Variants in GPC5 observed in about 807,000 individuals in gnomAD.
GPC5 encodes glypican-5.
Under a neutral mutation model 53.9 loss-of-function variants are expected in GPC5, and 47 were observed. That is an observed-to-expected ratio of 0.87 (90% confidence interval 0.69 to 1.11). GPC5 has a LOEUF of 1.11. Among genes scored for constraint, GPC5 ranks in the 50% most tolerant of loss-of-function variants. The pLI is 0.00. For missense variants in GPC5, 748 were observed against 713.1 expected (o/e 1.05, Z -0.56); for synonymous variants, 286 against 263.3 (o/e 1.09, Z -0.84).
intron 1 of GPC5, among the ~76,000 whole-genome samples, chr13:91,434,672 C>T (rs1879770953): frequency 6.6e-6 from 1 of 152,062 alleles, no homozygotes; most frequent in South Asian, 2.1e-4. Context: ...GATGCGGGCT[C>T]TTTTTTGGTT....
intron 7 of GPC5, among the ~76,000 whole-genome samples, chr13:92,562,232 G>A (rs890855107): frequency 4.6e-5 from 7 of 152,020 alleles, no homozygotes; most frequent in South Asian, 2.1e-4. Flanking sequence ...AATCTCTTAT[G>A]AATTTCACCC....
intron 6 of GPC5, among the ~76,000 whole-genome samples, chr13:92,015,244 A>T (rs1336644329): frequency 6.6e-6 from 1 of 152,208 alleles, no homozygotes; most frequent in African/African-American, 2.4e-5. Context: ...TTAGCCAAAA[A>T]TATCAGTAGT....
chr13:92,678,841 T>A (rs530951819), intron 7 of GPC5, among the ~76,000 whole-genome samples: 1 of 152,220 alleles, frequency 6.6e-6, no homozygotes, highest in African/African-American at 2.4e-5. Flanking sequence ...AAAGATAGGA[T>A]GATTTGAGCT....
chr13:91,683,576 T>G (rs574675408), intron 2 of GPC5, among the ~76,000 whole-genome samples: 1 of 152,216 alleles, frequency 6.6e-6, no homozygotes, highest in African/African-American at 2.4e-5. Context: ...TTTACCAGAC[T>G]TCTGGTCATG....
intron 7 of GPC5, among the ~76,000 whole-genome samples, chr13:92,862,457 T>C (rs1290381817): frequency 6.6e-6 from 1 of 152,138 alleles, no homozygotes; most frequent in Non-Finnish European, 1.5e-5. Context: ...CTATAGGATC[T>C]GGAGTCCTGC....
At chr13:92,254,487 TG>T (rs2042713458) in intron 7 of GPC5, among the ~76,000 whole-genome samples, 1 of 152,066 alleles carries the variant, frequency 6.6e-6, no homozygotes, top group Non-Finnish European at 1.5e-5. Flanking sequence ...AGAAAGGAAT[TG>T]TTGATTTTTA....
rs143212324 is a variant in GPC5, at chr13:92,173,964, G to T, written c.1561+28975G>T. 4.8e-3 allele frequency among the ~76,000 whole-genome samples: 737 copies of T among 152,100 alleles called. 10 individuals are homozygous for T. Among genetic ancestry groups the T allele is most frequent in the African/African-American group, 0.016 (664 of 41,484 alleles). On this transcript the variant is annotated intron_variant, in intron 7 of 7. Coordinates refer to ENST00000377067, the MANE Select transcript of GPC5 (RefSeq NM_004466.6). ...TACTAAAAATACAAAAATTAGTTGG[G>T]TGTGGTGGCACCCACCTGTAGTCCC...
intron 6 of GPC5, among the ~76,000 whole-genome samples, chr13:92,085,958 A>G (rs1044089968): frequency 1.7e-4 from 26 of 152,234 alleles, no homozygotes; most frequent in African/African-American, 6.0e-4. Flanking sequence ...TGTTCCTAAC[A>G]GCCACGGACT....
rs1190169532 is a variant in GPC5, at chr13:92,125,924, GTTTTTTTTTTTT to G, written c.1402-18868_1402-18857del. On this transcript the variant is annotated intron_variant, in intron 6 of 7. Coordinates refer to ENST00000377067, the MANE Select transcript of GPC5 (RefSeq NM_004466.6). ...TTAGAAAGGAAACATTTGTTTTTTGGTTTTTTTTTTTTTTTTTTTTTTTTTTTTTTTTTTTTT... is the reference window on the plus strand; with the variant it reads ...TTAGAAAGGAAACATTTGTTTTTTGGTTTTTTTTTTTTTTTTTTTTTTTTT... Among the ~76,000 whole-genome samples the G allele has an allele frequency of 5.1e-4, 39 of 75,876 alleles. 1 individual carries two copies. The highest frequency in any genetic ancestry group is 1.9e-3 in the African/African-American group (36 of 19,000). The allele number at this position is 75,876 out of a possible 152,430, so 49.8% of individuals were successfully genotyped here.
intron 7 of GPC5, among the ~76,000 whole-genome samples, chr13:92,522,424 A>T (rs1426490600): frequency 6.6e-6 from 1 of 152,194 alleles, no homozygotes; most frequent in East Asian, 1.9e-4. Context: ...TACACCATGG[A>T]ATACTATGCA....
chr13:92,534,444 T>C (rs1881661253), intron 7 of GPC5, among the ~76,000 whole-genome samples: 1 of 152,336 alleles, frequency 6.6e-6, no homozygotes, highest in South Asian at 2.1e-4. Context: ...TAATCATGTA[T>C]TTTATATGTG....
intron 2 of GPC5, among the ~76,000 whole-genome samples, chr13:91,555,913 T>A (rs188180035): frequency 5.1e-4 from 77 of 152,026 alleles, no homozygotes; most frequent in Admixed American, 4.7e-3. Context: ...TTCCATTAGG[T>A]CCCTCCCACA....
chr13:92,486,729 G>A (rs190000409), intron 7 of GPC5, among the ~76,000 whole-genome samples: 1 of 152,256 alleles, frequency 6.6e-6, no homozygotes, highest in African/African-American at 2.4e-5. Context: ...AAATAGACAC[G>A]TGGCTTTTTA....
rs573188228 is a variant in GPC5, at chr13:92,091,642, G to A, written c.1402-53188G>A. Among the ~76,000 whole-genome samples, 66 of 151,110 alleles carry A rather than the reference G, an allele frequency of 4.4e-4. 1 individual carries two copies. The highest frequency in any genetic ancestry group is 1.5e-3 in the African/African-American group (60 of 41,130). On this transcript the variant is annotated intron_variant, in intron 6 of 7. Coordinates refer to ENST00000377067, the MANE Select transcript of GPC5 (RefSeq NM_004466.6). ...ATAGACAATATGATAAATGTACCAC[G>A]AATGACACAAAATATTTTCTGCATG...
intron 7 of GPC5, among the ~76,000 whole-genome samples, chr13:92,333,010 A>G (rs567046735): frequency 6.6e-6 from 1 of 152,328 alleles, no homozygotes; most frequent in East Asian, 1.9e-4. Flanking sequence ...TTGGAGAGAC[A>G]GACAAGTGAA....
intron 2 of GPC5, among the ~76,000 whole-genome samples, chr13:91,610,365 A>G (rs2033509780): frequency 6.6e-6 from 1 of 152,106 alleles, no homozygotes; most frequent in African/African-American, 2.4e-5. Context: ...TACTATTTTT[A>G]TTACCGTACA....
intron 7 of GPC5, among the ~76,000 whole-genome samples, chr13:92,608,058 A>G: frequency 6.6e-6 from 1 of 152,204 alleles, no homozygotes; most frequent in East Asian, 1.9e-4. Context: ...CTTTATTGTA[A>G]GAACACTGTA....
intron 7 of GPC5, among the ~76,000 whole-genome samples, chr13:92,351,761 G>T (rs35802196): frequency 0.01 from 1,526 of 152,124 alleles, 27 homozygotes; most frequent in Middle Eastern, 0.048. Context: ...ACTTAAAATT[G>T]TATGAGAGAA....
intron 2 of GPC5, among the ~76,000 whole-genome samples, chr13:91,462,509 G>T (rs1207156244): frequency 1.3e-5 from 2 of 152,080 alleles, no homozygotes; most frequent in African/African-American, 4.8e-5. Flanking sequence ...TTTAAATGTT[G>T]CTAGTCATAG....
Sources: gnomAD v4.1 joint callset for allele counts (sites outside exome capture counted in the v4.1 genomes callset) on GRCh38, gnomAD v4.1.1 for gene constraint, MANE v1.5 for transcripts, NCBI Gene and HGNC (gene_info 2026-07-23, HGNC 2026-07-21) for gene names.